The following ATXN7L1 variants were observed in gnomAD, a reference collection of about 807,000 sequenced individuals.
ATXN7L1 encodes the protein ataxin 7 like 1.
Under a neutral mutation model 70.8 loss-of-function variants are expected in ATXN7L1, and 15 were observed. That is an observed-to-expected ratio of 0.21 (90% CI 0.14 to 0.33). ATXN7L1 has a LOEUF of 0.33. ATXN7L1 is among the 10% of genes least tolerant of loss of function. The pLI is 1.00. For synonymous variants in ATXN7L1, 440 were observed against 445.1 expected, an observed-to-expected ratio of 0.99 and a Z score of 0.14; for missense variants, 975 against 1,097.1, an observed-to-expected ratio of 0.89 and a Z score of 1.57.
chr7:105,647,439 G>C (rs1221057439), intron 4 of ATXN7L1, among the ~76,000 whole-genome samples: 2 of 152,236 alleles, frequency 1.3e-5, no homozygotes, highest in Non-Finnish European at 2.9e-5. Flanking sequence ...CCTGAGGTCA[G>C]GAGTTCAAGA....
chr7:105,832,683 T>C (rs754453743), intron 2 of ATXN7L1, among the ~76,000 whole-genome samples: 1 of 152,186 alleles, frequency 6.6e-6, no homozygotes, highest in African/African-American at 2.4e-5. Context: ...CTTTGAAAGG[T>C]GAAGTTTCCA....
intron 3 of ATXN7L1, among the ~76,000 whole-genome samples, chr7:105,698,622 T>C (rs770844146): frequency 1.3e-5 from 2 of 152,194 alleles, no homozygotes; most frequent in African/African-American, 4.8e-5. Context: ...CCTCCCAAAG[T>C]GCTGAGATTA....
intron 2 of ATXN7L1, among the ~76,000 whole-genome samples, chr7:105,873,806 A>C (rs988209590): frequency 6.6e-6 from 1 of 152,194 alleles, no homozygotes; most frequent in Non-Finnish European, 1.5e-5. Context: ...TTCTGAGGAA[A>C]GGAGAGCTTT....
At chr7:105,758,637 A>AG (rs1482615964) in intron 3 of ATXN7L1, among the ~76,000 whole-genome samples, 1 of 152,200 alleles carries the variant, frequency 6.6e-6, no homozygotes, top group Non-Finnish European at 1.5e-5. Flanking sequence ...GCCTGTGCCT[A>AG]GGCCTCCCTG....
intron 3 of ATXN7L1, among the ~76,000 whole-genome samples, chr7:105,751,589 T>C (rs1364399249): frequency 6.6e-6 from 1 of 152,126 alleles, no homozygotes; most frequent in Non-Finnish European, 1.5e-5. Context: ...TAAGCTGTGA[T>C]CTTGCCATTG....
Position 105,614,088 on chromosome 7 carries a change from G to A in ATXN7L1, c.2246C>T (p.Ser749Phe). 1.9e-6 allele frequency: 3 copies of A among 1,551,728 alleles called. No homozygotes were observed. Among genetic ancestry groups the A allele is most frequent in the South Asian group, 1.2e-5 (1 of 84,062 alleles). The change falls in exon 10 of 12, where the codon TCC becomes TTC. Residue 749 changes from serine to phenylalanine, a missense_variant. By Grantham distance (155) the Ser-to-Phe change is radical. This residue lies in a region of ATXN7L1 where 635 missense variants were observed against 699.4 expected (regional missense o/e 0.91). Coordinates refer to ENST00000419735, the MANE Select transcript of ATXN7L1 (RefSeq NM_020725.2). This position sits in a 1 kb window ranked among gnomAD's most constrained non-coding sequence, Gnocchi z 4.3. Reference protein sequence around the residue: ...SSDSCPLSVPSLALHAGDLSL... With the variant: ...SSDSCPLSVPFLALHAGDLSL... ...GAGGTCCCCTGCGTGGAGCGCAAGGGAGGGCACAGAGAGGGGACAGGAGTC... is the reference window on the plus strand; with the variant it reads ...GAGGTCCCCTGCGTGGAGCGCAAGGAAGGGCACAGAGAGGGGACAGGAGTC...
chr7:105,690,547 C>T (rs1254994139), intron 3 of ATXN7L1, among the ~76,000 whole-genome samples: 1 of 152,126 alleles, frequency 6.6e-6, no homozygotes, highest in African/African-American at 2.4e-5. Context: ...TTCCGTGAGG[C>T]CTAAATGATG....
chr7:105,621,918 A>T (rs112036228), intron 8 of ATXN7L1, among the ~76,000 whole-genome samples: 56 of 152,150 alleles, frequency 3.7e-4, no homozygotes, highest in Non-Finnish European at 7.8e-4. Context: ...TTAAAATCTT[A>T]TCACCCATCA....
chr7:105,870,784 T>C (rs1050232573), intron 2 of ATXN7L1, among the ~76,000 whole-genome samples: 2 of 152,208 alleles, frequency 1.3e-5, no homozygotes, highest in African/African-American at 2.4e-5. Context: ...CATAAACACC[T>C]TTCACAGATT....
chr7:105,723,004 A>G (rs1795380167), intron 3 of ATXN7L1, among the ~76,000 whole-genome samples: 1 of 152,164 alleles, frequency 6.6e-6, no homozygotes, highest in South Asian at 2.1e-4. Context: ...TGGAGTCAAG[A>G]GTTTAAGACC....
rs144398439 is a variant in ATXN7L1, at chr7:105,780,312, G to T, written c.355+8292C>A. 3.6e-3 allele frequency among the ~76,000 whole-genome samples: 555 copies of T among 152,290 alleles called. 6 individuals carry two copies. Among genetic ancestry groups the T allele is most frequent in the African/African-American group, 0.013 (541 of 41,554 alleles). On this transcript the variant is annotated intron_variant, in intron 3 of 11. Transcript: ENST00000419735. ...AAGGATGGGGTGCCAGCCAGGACAT[G>T]CCATGCCTCACTCCAGGGGTGAGTT... is the stretch of plus-strand genomic sequence containing the variant.
chr7:105,639,408 T>C, intron 6 of ATXN7L1, 79 bp downstream of exon 6: 2 of 1,118,818 alleles, frequency 1.8e-6, no homozygotes, highest in South Asian at 1.3e-5. Flanking sequence ...CACCCTGCCG[T>C]GTGCAGAGAG....
chr7:105,872,926 G>A (rs10229490), intron 2 of ATXN7L1, among the ~76,000 whole-genome samples: 17,027 of 151,622 alleles, frequency 0.11, 3,174 homozygotes, highest in African/African-American at 0.38. Flanking sequence ...AGGCCGAGGC[G>A]GGTGGATCAC....
chr7:105,851,599 G>A (rs1814888605), intron 2 of ATXN7L1, among the ~76,000 whole-genome samples: 1 of 152,192 alleles, frequency 6.6e-6, no homozygotes, highest in Non-Finnish European at 1.5e-5. Context: ...AACTTTTAAA[G>A]CAGCAAGCTT....
Position 105,624,063 on chromosome 7 carries a change from A to G in ATXN7L1, c.1395+12T>C. ...GCGAAGAACGCATGGCAAGGAACGG[A>G]AGGAGGCCTACCGCCAGAGGTCTGG... On this transcript the variant is annotated intron_variant, in intron 8 of 11. Coordinates refer to ENST00000419735, the MANE Select transcript of ATXN7L1 (RefSeq NM_020725.2). The G allele has an allele frequency of 1.4e-6, 2 of 1,400,078 alleles. No homozygotes were observed. Among genetic ancestry groups the G allele is most frequent in the Non-Finnish European group, 1.9e-6 (2 of 1,062,592 alleles). The allele number at this position is 1,400,078 out of a possible 1,614,324, so 86.7% of individuals were successfully genotyped here. A position where few individuals can be genotyped will look rare whatever the true frequency, so the allele number is the denominator to read the frequency against.
At chr7:105,668,774 CATGCCTATA>C (rs1562977595) in intron 3 of ATXN7L1, among the ~76,000 whole-genome samples, 1 of 151,988 alleles carries the variant, frequency 6.6e-6, no homozygotes, top group African/African-American at 2.4e-5. Flanking sequence ...CATGGTGGCT[CATGCCTATA>C]ATCCTGGCAC....
intron 3 of ATXN7L1, among the ~76,000 whole-genome samples, chr7:105,782,897 G>A (rs1333516468): frequency 6.6e-6 from 1 of 152,156 alleles, no homozygotes; most frequent in African/African-American, 2.4e-5. Flanking sequence ...TCTGAGACAG[G>A]GCAAGAAATG....
At chr7:105,851,851 T>C (rs1460871114) in intron 2 of ATXN7L1, among the ~76,000 whole-genome samples, 1 of 152,176 alleles carries the variant, frequency 6.6e-6, no homozygotes, top group Non-Finnish European at 1.5e-5. Context: ...ACAGGAGAGC[T>C]TCACAGGGCA....
rs553468197 is a variant in ATXN7L1 at position 105,749,793 on chromosome 7, C to T, written c.355+38811G>A. 2.3e-4 allele frequency among the ~76,000 whole-genome samples: 35 copies of T among 151,850 alleles called. 2 individuals carry two copies. The highest frequency in any genetic ancestry group is 3.5e-4 in the Non-Finnish European group (24 of 67,938). Reference sequence around the variant, plus strand: ...TGGCAGGTCTCAGGTAGGGTCTCCACTTCTTTATTTCAAAAAGCTTCAGAG... The same window carrying T: ...TGGCAGGTCTCAGGTAGGGTCTCCATTTCTTTATTTCAAAAAGCTTCAGAG... On this transcript the variant is annotated intron_variant, in intron 3 of 11. Coordinates refer to ENST00000419735, the MANE Select transcript of ATXN7L1 (RefSeq NM_020725.2).
Sources: allele counts gnomAD v4.1 joint callset (sites outside exome capture counted in the v4.1 genomes callset), GRCh38; gene constraint gnomAD v4.1.1; regional missense constraint gnomAD v4.1.1; non-coding constraint Gnocchi (gnomAD v3.1); transcripts MANE v1.5; gene names NCBI Gene and HGNC (gene_info 2026-07-23, HGNC 2026-07-21).